The following XRCC4 variants were observed in gnomAD, a reference collection of about 807,000 sequenced individuals.
XRCC4 encodes the protein X-ray repair cross complementing 4, also known as DNA repair protein XRCC4.
A neutral mutation model predicts 39.1 loss-of-function variants in XRCC4; 28 were observed. The observed-to-expected ratio is 0.72, with a 90% confidence interval of 0.53 to 0.98. The LOEUF is 0.98. Ranked by LOEUF, XRCC4 falls within the 50% of genes least tolerant of loss-of-function variation. XRCC4 has a pLI of 0.00. For synonymous variants in XRCC4, 123 were observed against 126.4 expected (o/e 0.97, Z 0.18); for missense variants, 350 against 376.4 (o/e 0.93, Z 0.58).
chr5:83,193,684 CT>C (rs1369069580), intron 3 of XRCC4, among the ~76,000 whole-genome samples: 1 of 152,074 alleles, frequency 6.6e-6, no homozygotes, highest in Non-Finnish European at 1.5e-5. Flanking sequence ...GGGATGAATT[CT>C]TTATCCTTTT....
chr5:83,262,939 C>T (rs1474558902), intron 7 of XRCC4, among the ~76,000 whole-genome samples: 1 of 148,384 alleles, frequency 6.7e-6, no homozygotes. Context: ...GTGCGCTGCA[C>T]CCACTAACTC....
chr5:83,341,660 C>A (rs898611502), intron 7 of XRCC4, among the ~76,000 whole-genome samples: 7 of 152,042 alleles, frequency 4.6e-5, no homozygotes, highest in Non-Finnish European at 8.8e-5. Flanking sequence ...ATGACCCCCC[C>A]ACTCCCATTA....
intron 3 of XRCC4, among the ~76,000 whole-genome samples, chr5:83,192,124 T>C (rs1424682492): frequency 1.3e-5 from 2 of 151,386 alleles, no homozygotes; most frequent in Non-Finnish European, 2.9e-5. Flanking sequence ...ATGATAACTA[T>C]TAAGAGTCAA....
chr5:83,312,620 T>A (rs1284027900), intron 7 of XRCC4, among the ~76,000 whole-genome samples: 2 of 152,100 alleles, frequency 1.3e-5, no homozygotes, highest in African/African-American at 4.8e-5. Context: ...TAAAAATGAG[T>A]TGGAAATGAA....
At chr5:83,252,082 G>T (rs551025484) in intron 6 of XRCC4, among the ~76,000 whole-genome samples, 1 of 152,282 alleles carries the variant, frequency 6.6e-6, no homozygotes, top group African/African-American at 2.4e-5. Flanking sequence ...AGTATGGTGT[G>T]CTAGACCTTA....
chr5:83,297,272 C>A (rs1010691788), intron 7 of XRCC4, among the ~76,000 whole-genome samples: 1 of 151,874 alleles, frequency 6.6e-6, no homozygotes, highest in Non-Finnish European at 1.5e-5. Context: ...TATTGAGGAA[C>A]CTCTTTCATA....
At chr5:83,086,572 G>C (rs895350725) in intron 1 of XRCC4, among the ~76,000 whole-genome samples, 3 of 152,162 alleles carry the variant, frequency 2.0e-5, no homozygotes, top group Non-Finnish European at 4.4e-5. Flanking sequence ...GGAAGAGAAG[G>C]ATTGATCTTG....
At chr5:83,351,738 T>G (rs989468587) in intron 7 of XRCC4, among the ~76,000 whole-genome samples, 7 of 152,186 alleles carry the variant, frequency 4.6e-5, no homozygotes, top group African/African-American at 1.7e-4. Context: ...GAAATTGGCT[T>G]GCTCAGAATA....
chr5:83,363,848 T>C, the XRCC4 span, among the ~76,000 whole-genome samples: 1 of 152,232 alleles, frequency 6.6e-6, no homozygotes, highest in Non-Finnish European at 1.5e-5. Context: ...ATGCTGCTCC[T>C]GTATACCTTG....
At chr5:83,083,952 G>A (rs367659687) in intron 1 of XRCC4, among the ~76,000 whole-genome samples, 23 of 152,274 alleles carry the variant, frequency 1.5e-4, no homozygotes, top group African/African-American at 5.5e-4. Context: ...GCTTTTCAGA[G>A]GAGCTCCCTT....
At chr5:83,250,606 A>T (rs559066409) in intron 6 of XRCC4, among the ~76,000 whole-genome samples, 21 of 152,296 alleles carry the variant, frequency 1.4e-4, no homozygotes, top group African/African-American at 5.1e-4. Flanking sequence ...CAAAAGTTCT[A>T]CCCAAAAAGG....
At chr5:83,107,980 G>A (rs1746278233) in intron 2 of XRCC4, among the ~76,000 whole-genome samples, 1 of 151,624 alleles carries the variant, frequency 6.6e-6, no homozygotes, top group Non-Finnish European at 1.5e-5. Context: ...GTTATATATA[G>A]GTATCTGAAG....
intron 3 of XRCC4, among the ~76,000 whole-genome samples, chr5:83,166,787 T>A (rs1749500294): frequency 6.6e-6 from 1 of 152,104 alleles, no homozygotes; most frequent in Non-Finnish European, 1.5e-5. Flanking sequence ...AAGCATTTGT[T>A]TTTTTGCTCA....
intron 6 of XRCC4, among the ~76,000 whole-genome samples, chr5:83,230,027 T>G (rs1315567806): frequency 1.3e-5 from 2 of 152,030 alleles, no homozygotes; most frequent in African/African-American, 4.8e-5. Context: ...CTTCCATTGC[T>G]CTGTGCATTT....
intron 6 of XRCC4, among the ~76,000 whole-genome samples, chr5:83,214,565 G>A (rs1751778466): frequency 6.6e-6 from 1 of 152,054 alleles, no homozygotes; most frequent in Non-Finnish European, 1.5e-5. Flanking sequence ...AGGCACGGTG[G>A]CTCACCCCTG....
Position 83,138,234 on chromosome 5 carries a change from A to G in XRCC4, c.315+27031A>G, listed in dbSNP as rs185012186. On this transcript the variant is annotated intron_variant, in intron 3 of 7. Transcript: ENST00000396027. Reference sequence around the variant, plus strand: ...CATAGTCAGAGCACACATTATATGTACCTATTTAAAACTGTTTCCCATTAC... The same window carrying G: ...CATAGTCAGAGCACACATTATATGTGCCTATTTAAAACTGTTTCCCATTAC... 5.0e-3 allele frequency among the ~76,000 whole-genome samples: 767 copies of G among 152,266 alleles called. 7 individuals carry two copies. The highest frequency in any genetic ancestry group is 0.018 in the African/African-American group (735 of 41,568).
chr5:83,205,406 GA>G (rs1751380717), intron 6 of XRCC4, among the ~76,000 whole-genome samples: 2 of 151,794 alleles, frequency 1.3e-5, no homozygotes, highest in Admixed American at 6.6e-5. Flanking sequence ...AAGAGAAGGG[GA>G]AAAATGGCAG....
chr5:83,284,706 T>G (rs1482336191), intron 7 of XRCC4, among the ~76,000 whole-genome samples: 2 of 152,066 alleles, frequency 1.3e-5, no homozygotes, highest in African/African-American at 4.8e-5. Flanking sequence ...TGATTAAACC[T>G]TTGTTGACAT....
intron 3 of XRCC4, among the ~76,000 whole-genome samples, chr5:83,158,134 AC>A (rs1189651963): frequency 6.6e-6 from 1 of 152,100 alleles, no homozygotes; most frequent in Non-Finnish European, 1.5e-5. Flanking sequence ...AAAGCTAGTT[AC>A]GTTCAATACC....
Sources: gnomAD v4.1 joint callset for allele counts (sites outside exome capture counted in the v4.1 genomes callset) on GRCh38, gnomAD v4.1.1 for gene constraint, MANE v1.5 for transcripts, NCBI Gene and HGNC (gene_info 2026-07-23, HGNC 2026-07-21) for gene names.